The following RIPOR2 variants were observed in gnomAD, a reference collection of about 807,000 sequenced individuals.
RIPOR2 encodes the protein rho family-interacting cell polarization regulator 2.
In RIPOR2, 39 loss-of-function variants were observed where a neutral mutation model predicts 114.5. That is an observed-to-expected ratio of 0.34 (90% CI 0.26 to 0.44). The LOEUF is 0.44. Ranked by LOEUF, RIPOR2 falls within the 20% of genes least tolerant of loss-of-function variation. RIPOR2 has a pLI of 1.00. For synonymous variants in RIPOR2, 445 were observed against 484.4 expected, an observed-to-expected ratio of 0.92 and a Z score of 1.07; for missense variants, 1,007 against 1,255.1, an observed-to-expected ratio of 0.80 and a Z score of 2.99.
chr6:24,946,904 A>G (rs1471698655), intron 1 of RIPOR2, among the ~76,000 whole-genome samples: 8 of 152,232 alleles, frequency 5.3e-5, no homozygotes, highest in Admixed American at 5.2e-4. Flanking sequence ...AGTGTTTTTG[A>G]AAATTCTTCC....
chr6:25,020,421 G>C (rs1475538456), intron 1 of RIPOR2, among the ~76,000 whole-genome samples: 1 of 152,146 alleles, frequency 6.6e-6, no homozygotes, highest in Non-Finnish European at 1.5e-5. Flanking sequence ...AATTAATTAG[G>C]CTTCTCCAAG....
rs1461295360 is a variant in RIPOR2, at chr6:24,996,811, T to C, written c.76+45040A>G. ...ATTATAGCACTTACTGTATTGTTCA[T>C]AGTTAACTTCTCCATTGCACTAGGA... On this transcript the variant is annotated intron_variant, in intron 1 of 13. Coordinates refer to the RIPOR2 transcript ENST00000510784. Among the ~76,000 whole-genome samples the C allele has an allele frequency of 2.6e-5, 4 of 152,358 alleles. No individual in the cohort carries two copies. In the East Asian group the frequency reaches 7.7e-4, roughly 29 times the overall value.
intron 1 of RIPOR2, among the ~76,000 whole-genome samples, chr6:25,013,968 C>G (rs1400210182): frequency 1.3e-5 from 2 of 152,132 alleles, no homozygotes; most frequent in Non-Finnish European, 2.9e-5. Context: ...TTTTGGGAAG[C>G]AGGCCAAAAA....
In RIPOR2 at chr6:24,865,297, A is replaced by G. The variant is rs1481827305; in HGVS notation, c.651+4T>C. 1.0e-5 allele frequency: 16 copies of G among 1,607,518 alleles called. No homozygotes were observed. The highest frequency in any genetic ancestry group is 1.2e-5 in the Non-Finnish European group (14 of 1,175,540). On this transcript the variant is annotated splice_donor_region_variant and intron_variant, in intron 7 of 21. Transcript: ENST00000643898. ...GGCAACTTAAGCAGGTTAGGGAGTT[A>G]TACCTCTGTGTACTCCTTGAAGCTC...
intron 1 of RIPOR2, among the ~76,000 whole-genome samples, chr6:24,993,155 C>A (rs1385792478): frequency 6.6e-6 from 1 of 152,062 alleles, no homozygotes; most frequent in Non-Finnish European, 1.5e-5. Context: ...TAGCTAGTGG[C>A]CTACTTTATT....
chr6:25,034,591 T>C (rs998754193), intron 1 of RIPOR2, among the ~76,000 whole-genome samples: 1 of 152,230 alleles, frequency 6.6e-6, no homozygotes, highest in African/African-American at 2.4e-5. Context: ...GATTAACTTT[T>C]GGGCTCTTTA....
chr6:25,040,272 C>G (rs770565267), intron 1 of RIPOR2, among the ~76,000 whole-genome samples: 1 of 152,060 alleles, frequency 6.6e-6, no homozygotes, highest in Non-Finnish European at 1.5e-5. Flanking sequence ...CCCACCACCA[C>G]GCCTGGCTAA....
chr6:24,946,239 T>A (rs536932233), intron 1 of RIPOR2, among the ~76,000 whole-genome samples: 8 of 152,164 alleles, frequency 5.3e-5, no homozygotes, highest in African/African-American at 1.9e-4. Flanking sequence ...CATGCCCAGC[T>A]AATTTTTATA....
chr6:25,023,834 G>C, intron 1 of RIPOR2: 1 of 740,092 alleles, frequency 1.4e-6, no homozygotes, highest in Non-Finnish European at 2.5e-6. Flanking sequence ...AGGATGTCAG[G>C]GGTGTTGGGG....
chr6:24,895,666 A>C (rs1767793150), intron 1 of RIPOR2, among the ~76,000 whole-genome samples: 1 of 152,204 alleles, frequency 6.6e-6, no homozygotes, highest in Admixed American at 6.5e-5. Flanking sequence ...AGTTGCATAC[A>C]AGGAATGGTT....
chr6:24,835,575 C>G, intron 15 of RIPOR2, 128 bp downstream of exon 15: 1 of 1,098,146 alleles, frequency 9.1e-7, no homozygotes, highest in Non-Finnish European at 1.3e-6. Flanking sequence ...TGACTTGGCT[C>G]AAACCACAGC....
At chr6:25,023,846 C>G in intron 1 of RIPOR2, 1 of 734,720 alleles carries the variant, frequency 1.4e-6, no homozygotes, top group South Asian at 1.3e-5. Context: ...GTGTTGGGGG[C>G]TTTGACCGGT....
At chr6:25,022,532 ATTTTTTTTTTTTTTTTTTT>A (rs10564019) in intron 1 of RIPOR2, among the ~76,000 whole-genome samples, 627 of 41,004 alleles carry the variant, frequency 0.015, 15 homozygotes, top group African/African-American at 0.045. Context: ...GGTACCTTCC[ATTTTTTTTTTTTTTTTTTT>A]TTTTTTTTTT....
chr6:24,806,493 C>A lies in RIPOR2; in HGVS notation c.3044-20G>T. The A allele has an allele frequency of 6.7e-7, 1 of 1,485,152 alleles. No homozygotes were observed. Among genetic ancestry groups the A allele is most frequent in the Non-Finnish European group, 9.1e-7 (1 of 1,098,064 alleles). The allele number at this position is 1,485,152 out of a possible 1,614,324, so 92.0% of individuals were successfully genotyped here. On this transcript the variant is annotated intron_variant, in intron 21 of 21. Coordinates refer to ENST00000643898, the MANE Select transcript of RIPOR2 (RefSeq NM_001286445.3). The stretch of plus-strand genomic sequence containing the variant: ...CTTCTCCTAAATACAGAACATTAAA[C>A]ATGAATACCAATTCAAACAACGTTT...
chr6:24,885,501 G>A (rs945365509), intron 1 of RIPOR2, among the ~76,000 whole-genome samples: 1 of 151,478 alleles, frequency 6.6e-6, no homozygotes, highest in Non-Finnish European at 1.5e-5. Flanking sequence ...TGGAATTACA[G>A]GTGTGAGCCA....
chr6:24,828,231 G>A lies in RIPOR2; in HGVS notation c.2571C>T (p.Ser857=). The A allele has an allele frequency of 6.4e-7, 1 of 1,551,388 alleles. No homozygotes were observed. Among genetic ancestry groups the A allele is most frequent in the Non-Finnish European group, 8.7e-7 (1 of 1,146,794 alleles). The stretch of plus-strand genomic sequence containing the variant: ...ACTGGAAAACAGTGACGACTTCCGA[G>A]GACAGGCTGGAGGAAAGCAGAGGCT... ...RAEPLLSSSL[S]SEVVTVFQYY... is the part of the protein sequence containing the mutation. The change falls in exon 18 of 22, where the codon TCC becomes TCT. Residue 857 remains serine, a synonymous_variant. Coordinates refer to ENST00000643898, the MANE Select transcript of RIPOR2 (RefSeq NM_001286445.3).
At chr6:24,923,987 G>A (rs1014627425) in intron 1 of RIPOR2, among the ~76,000 whole-genome samples, 2 of 152,180 alleles carry the variant, frequency 1.3e-5, no homozygotes, top group Non-Finnish European at 2.9e-5. Context: ...GTGCATGGGT[G>A]TGTGTGGCAG....
intron 11 of RIPOR2, among the ~76,000 whole-genome samples, chr6:24,848,443 A>G (rs1215123110): frequency 6.6e-6 from 1 of 152,192 alleles, no homozygotes; most frequent in Admixed American, 6.5e-5. Flanking sequence ...TTAGAAACAC[A>G]AATTTATGAA....
chr6:24,943,181 G>A (rs1357767577), intron 1 of RIPOR2, among the ~76,000 whole-genome samples: 1 of 152,188 alleles, frequency 6.6e-6, no homozygotes, highest in Non-Finnish European at 1.5e-5. Context: ...ATGAGTTCAT[G>A]TCCTTTGTAG....
Sources: allele counts gnomAD v4.1 joint callset (sites outside exome capture counted in the v4.1 genomes callset), GRCh38; gene constraint gnomAD v4.1.1; transcripts MANE v1.5; gene names NCBI Gene and HGNC (gene_info 2026-07-23, HGNC 2026-07-21).